The following PRELID2 variants were observed in gnomAD, a reference collection of about 807,000 sequenced individuals.
PRELID2 encodes the protein PRELI domain containing 2, also known as PRELI domain-containing protein 2.
Under a neutral mutation model 28.4 loss-of-function variants are expected in PRELID2, and 25 were observed. The ratio of observed to expected loss-of-function variants is 0.88; its 90% CI spans 0.64 to 1.23. PRELID2 has a LOEUF of 1.23. Ranked by LOEUF, PRELID2 falls within the 50% of genes most tolerant of loss-of-function variation. PRELID2 has a pLI of 0.00. For missense variants in PRELID2, 201 were observed against 214.4 expected, an observed-to-expected ratio of 0.94 and a Z score of 0.39; for synonymous variants, 76 against 71.6, an observed-to-expected ratio of 1.06 and a Z score of -0.31.
At chr5:145,354,191 A>G in the PRELID2 span, among the ~76,000 whole-genome samples, 1 of 151,380 alleles carries the variant, frequency 6.6e-6, no homozygotes, top group Admixed American at 6.6e-5. Context: ...GAGGTCCCAC[A>G]TTATTCGACG....
chr5:145,596,613 T>C (rs1211574080), intron 1 of PRELID2, among the ~76,000 whole-genome samples: 1 of 152,088 alleles, frequency 6.6e-6, no homozygotes, highest in Admixed American at 6.6e-5. Context: ...ACTGACTATT[T>C]AGAAGGATCA....
At chr5:145,341,742 A>G in the PRELID2 span, among the ~76,000 whole-genome samples, 5 of 152,176 alleles carry the variant, frequency 3.3e-5, no homozygotes, top group East Asian at 5.8e-4. Flanking sequence ...TGAGCAAAGC[A>G]TTTGTAACAT....
chr5:145,489,502 G>A (rs1752249241), intron 1 of PRELID2, among the ~76,000 whole-genome samples: 1 of 152,182 alleles, frequency 6.6e-6, no homozygotes, highest in South Asian at 2.1e-4. Flanking sequence ...AACTGAGGCT[G>A]TCTGAATTCA....
At chr5:145,243,907 C>A in the PRELID2 span, among the ~76,000 whole-genome samples, 1 of 151,994 alleles carries the variant, frequency 6.6e-6, no homozygotes, top group Non-Finnish European at 1.5e-5. Flanking sequence ...ATATTTACTT[C>A]CTCAGCAACT....
the PRELID2 span, among the ~76,000 whole-genome samples, chr5:145,255,461 G>C: frequency 1.3e-5 from 2 of 152,042 alleles, no homozygotes; most frequent in East Asian, 3.9e-4. Context: ...GAAATGATCA[G>C]AGAACTGGAA....
In PRELID2 at chr5:145,640,529, G is replaced by A. The variant is rs1385531650; in HGVS notation, n.70+124402C>T. ...CATGGTGGCGGGCGCCTGTGCTTCC[G>A]GCTGCTCCAGAGGCTGAGGCAGGAG... On this transcript the variant is annotated intron_variant and non_coding_transcript_variant, in intron 1 of 2. Transcript: ENST00000510259. Among the ~76,000 whole-genome samples, 22 of 145,338 alleles carry A rather than the reference G, an allele frequency of 1.5e-4. No individual in the cohort carries two copies. The South Asian group carries it at 2.0e-3, about 13-fold the overall frequency.
chr5:145,380,239 C>A, the PRELID2 span, among the ~76,000 whole-genome samples: 1 of 152,172 alleles, frequency 6.6e-6, no homozygotes, highest in Admixed American at 6.5e-5. Context: ...ATTATTCCTC[C>A]AGAGCCATTG....
At chr5:145,282,091 C>A in the PRELID2 span, among the ~76,000 whole-genome samples, 2 of 152,114 alleles carry the variant, frequency 1.3e-5, no homozygotes, top group Admixed American at 6.5e-5. Flanking sequence ...TTGTGAAGAT[C>A]AAGTGATGTA....
chr5:145,494,436 C>A (rs1752292120), intron 1 of PRELID2, among the ~76,000 whole-genome samples: 1 of 152,132 alleles, frequency 6.6e-6, no homozygotes, highest in Non-Finnish European at 1.5e-5. Context: ...TAAAACGTTT[C>A]AACTTTAAGG....
the PRELID2 span, among the ~76,000 whole-genome samples, chr5:145,425,335 A>G: frequency 6.6e-6 from 1 of 152,200 alleles, no homozygotes; most frequent in African/African-American, 2.4e-5. Context: ...ACTATTATAG[A>G]AGACAGTATG....
At chr5:145,736,605 A>T (rs1276271524) in intron 1 of PRELID2, among the ~76,000 whole-genome samples, 1 of 152,184 alleles carries the variant, frequency 6.6e-6, no homozygotes, top group Admixed American at 6.6e-5. Flanking sequence ...GAGGATTTTT[A>T]AAATTTTTCA....
the PRELID2 span, among the ~76,000 whole-genome samples, chr5:145,285,932 A>G: frequency 6.6e-6 from 1 of 152,234 alleles, no homozygotes; most frequent in Non-Finnish European, 1.5e-5. Context: ...GCCCAGGTGC[A>G]AGAGGCTAAG....
chr5:145,453,862 C>A, the PRELID2 span, among the ~76,000 whole-genome samples: 1 of 152,150 alleles, frequency 6.6e-6, no homozygotes, highest in Non-Finnish European at 1.5e-5. Context: ...TCCAGTCTAT[C>A]ATTGATGGGC....
the PRELID2 span, among the ~76,000 whole-genome samples, chr5:145,232,029 C>T: frequency 6.6e-6 from 1 of 151,944 alleles, no homozygotes; most frequent in Non-Finnish European, 1.5e-5. Flanking sequence ...CATACACCAC[C>T]CTAGCTAATG....
chr5:145,254,613 G>T, the PRELID2 span, among the ~76,000 whole-genome samples: 1 of 152,054 alleles, frequency 6.6e-6, no homozygotes, highest in Non-Finnish European at 1.5e-5. Context: ...GCCTTACACT[G>T]AGCTTGAAGA....
downstream of PRELID2, among the ~76,000 whole-genome samples, chr5:145,753,770 C>T (rs1435419201): frequency 1.3e-5 from 2 of 152,100 alleles, no homozygotes; most frequent in African/African-American, 2.4e-5. Flanking sequence ...TTTTAAAGTT[C>T]CCCAGGTTTT....
the PRELID2 span, among the ~76,000 whole-genome samples, chr5:145,302,434 G>A: frequency 6.6e-6 from 1 of 151,882 alleles, no homozygotes; most frequent in Non-Finnish European, 1.5e-5. Flanking sequence ...CACCGTGACT[G>A]GCCAAATTTT....
chr5:145,711,028 T>C (rs1755679704), intron 1 of PRELID2, among the ~76,000 whole-genome samples: 1 of 152,192 alleles, frequency 6.6e-6, no homozygotes, highest in South Asian at 2.1e-4. Context: ...GCAATTTCAC[T>C]TATCTTTGTT....
chr5:145,724,408 C>T (rs1201690488), intron 1 of PRELID2, among the ~76,000 whole-genome samples: 2 of 151,168 alleles, frequency 1.3e-5, no homozygotes, highest in East Asian at 1.9e-4. Context: ...GAGGCTTAAG[C>T]AGAATCCTGA....
Sources: gnomAD v4.1 joint callset for allele counts (sites outside exome capture counted in the v4.1 genomes callset) on GRCh38, gnomAD v4.1.1 for gene constraint, MANE v1.5 for transcripts, NCBI Gene and HGNC (gene_info 2026-07-23, HGNC 2026-07-21) for gene names.